WWC2: variants seen among roughly 807,000 people sequenced by gnomAD.
The protein encoded by WWC2 is WW and C2 domain containing 2.
WWC2 carries 101 observed loss-of-function variants against 138.5 expected under a neutral mutation model. The observed-to-expected ratio is 0.73, with a 90% CI of 0.62 to 0.86. The LOEUF is 0.86. Ranked by LOEUF, WWC2 falls within the 40% of genes least tolerant of loss-of-function variation. The probability of loss-of-function intolerance (pLI) is 0.00; values close to 1 mark genes in which losing one functional copy is unlikely to be tolerated. For missense variants in WWC2, 1,420 were observed against 1,419.4 expected, an observed-to-expected ratio of 1.00 and a Z score of -0.01; for synonymous variants, 558 against 538.4, an observed-to-expected ratio of 1.04 and a Z score of -0.50.
chr4:183,181,176 G>A (rs905835776), intron 1 of WWC2, among the ~76,000 whole-genome samples: 9 of 152,088 alleles, frequency 5.9e-5, no homozygotes, highest in African/African-American at 2.2e-4. Context: ...TCAAGTTTTG[G>A]GAGCATCTGC....
At chr4:183,311,798 C>T (rs575229293) in intron 21 of WWC2, among the ~76,000 whole-genome samples, 5 of 151,686 alleles carry the variant, frequency 3.3e-5, no homozygotes, top group East Asian at 3.9e-4. Flanking sequence ...AGGATGGTCT[C>T]GATCTCCTGA....
chr4:183,216,626 G>C (rs755664622), intron 4 of WWC2, among the ~76,000 whole-genome samples: 7 of 152,160 alleles, frequency 4.6e-5, no homozygotes, highest in Admixed American at 6.5e-5. Flanking sequence ...TAACTGAAAG[G>C]AAACAGATGA....
chr4:183,152,492 C>G (rs888949063), intron 1 of WWC2, among the ~76,000 whole-genome samples: 1 of 149,384 alleles, frequency 6.7e-6, no homozygotes, highest in African/African-American at 2.5e-5. Context: ...GTGCAAGACC[C>G]TGCCTCTTAA....
intron 19 of WWC2, 144 bp downstream of exon 19, chr4:183,284,534 G>A (rs1196105658): frequency 1.0e-6 from 1 of 952,528 alleles, no homozygotes; most frequent in African/African-American, 1.6e-5. Context: ...AACAGATGTA[G>A]AATATCACGT....
Position 183,261,453 on chromosome 4 carries a change from A to T in WWC2, c.1830A>T (p.Ser610=). The T allele has an allele frequency of 6.2e-7, 1 of 1,612,560 alleles. No individual in the cohort carries two copies. The highest frequency in any genetic ancestry group is 8.5e-7 in the Non-Finnish European group (1 of 1,179,260). The change falls in exon 11 of 23, where the codon TCA becomes TCT. Residue 610 remains serine (S), a synonymous_variant. Transcript: ENST00000403733. ...IENQILLDSD[S]GGASQSLSED... ...ATCAGATTTTGCTGGATTCTGATTC[A>T]GGAGGAGCCTCCCAGTCTCTTTCAG...
intron 20 of WWC2, among the ~76,000 whole-genome samples, chr4:183,287,704 A>G (rs531492631): frequency 5.9e-5 from 9 of 152,332 alleles, no homozygotes; most frequent in African/African-American, 2.2e-4. Flanking sequence ...AAGATGAGGA[A>G]AAGGTTCATC....
intron 1 of WWC2, among the ~76,000 whole-genome samples, chr4:183,152,055 A>T (rs1305466097): frequency 6.6e-6 from 1 of 152,216 alleles, no homozygotes; most frequent in African/African-American, 2.4e-5. Context: ...GTGGAGAAAC[A>T]TTGCTTGTCT....
At chr4:183,252,855 TG>T (rs1737020462) in intron 8 of WWC2, among the ~76,000 whole-genome samples, 1 of 152,036 alleles carries the variant, frequency 6.6e-6, no homozygotes, top group Non-Finnish European at 1.5e-5. Context: ...TCTTTGGCAA[TG>T]GGGGAGCCTT....
intron 4 of WWC2, among the ~76,000 whole-genome samples, chr4:183,212,738 C>A (rs1735639868): frequency 6.6e-6 from 1 of 152,018 alleles, no homozygotes; most frequent in Non-Finnish European, 1.5e-5. Flanking sequence ...TAAAACTAAC[C>A]ATTTAGAAGG....
In WWC2 at chr4:183,102,525, T is replaced by C. The variant is rs188131594; in HGVS notation, c.131+2903T>C. On this transcript the variant is annotated intron_variant, in intron 1 of 22. Transcript: ENST00000403733. ...AAGTAGCCCTTGTTAAGTGTGGAGC[T>C]AGGATTTAAAGCCAGACAGCTTGAC... 7.8e-4 allele frequency among the ~76,000 whole-genome samples: 119 copies of C among 152,314 alleles called. No individual in the cohort carries two copies. In the Middle Eastern group the frequency reaches 0.017, roughly 22 times the overall value.
At chr4:183,286,317 G>A (rs1442263435) in intron 20 of WWC2, among the ~76,000 whole-genome samples, 4 of 152,126 alleles carry the variant, frequency 2.6e-5, no homozygotes, top group Admixed American at 2.6e-4. Context: ...CTCTGGAGAA[G>A]GGGCCTTCTG....
In WWC2 at chr4:183,188,939, C is replaced by T. The variant is rs141873197; in HGVS notation, c.132-4660C>T. Reference sequence around the variant, plus strand: ...GAGATTACAGGCATGAACCACCGTGCCTGCCCCTCTAATATGACTTCCTTC... The same window carrying T: ...GAGATTACAGGCATGAACCACCGTGTCTGCCCCTCTAATATGACTTCCTTC... On this transcript the variant is annotated intron_variant, in intron 1 of 22. Coordinates refer to ENST00000403733, the MANE Select transcript of WWC2 (RefSeq NM_024949.6). Among the ~76,000 whole-genome samples, 346 of 152,146 alleles carry T rather than the reference C, an allele frequency of 2.3e-3. 1 individual carries two copies. The highest frequency in any genetic ancestry group is 8.1e-3 in the African/African-American group (335 of 41,522).
At chr4:183,241,428 C>T (rs1483949518) in intron 5 of WWC2, among the ~76,000 whole-genome samples, 1 of 152,210 alleles carries the variant, frequency 6.6e-6, no homozygotes, top group Non-Finnish European at 1.5e-5. Context: ...AGGCACTGCT[C>T]TTGACCACCA....
Position 183,261,315 on chromosome 4 carries a change from G to C in WWC2, c.1692G>C (p.Leu564Phe), listed in dbSNP as rs187250385. The change falls in exon 11 of 23, where the codon TTG becomes TTC. Residue 564 changes from leucine (L) to phenylalanine (F), a missense_variant. Coordinates refer to ENST00000403733, the MANE Select transcript of WWC2 (RefSeq NM_024949.6). ...SLSPPGSPLV[L>F]EGTFPMSSSH... ...CTCCTCCAGGCTCTCCCTTGGTTTTGGAAGGCACGTTTCCCATGTCTTCTT... is the reference window on the plus strand; with the variant it reads ...CTCCTCCAGGCTCTCCCTTGGTTTTCGAAGGCACGTTTCCCATGTCTTCTT... 1 of 1,613,416 alleles carries C rather than the reference G, an allele frequency of 6.2e-7. No homozygotes were observed. The highest frequency in any genetic ancestry group is 1.3e-5 in the African/African-American group (1 of 74,904).
intron 1 of WWC2, among the ~76,000 whole-genome samples, chr4:183,140,693 A>T (rs902488958): frequency 5.9e-5 from 9 of 152,234 alleles, no homozygotes; most frequent in African/African-American, 2.2e-4. Flanking sequence ...TTACTGCTAG[A>T]TCAAATTATT....
Position 183,269,103 on chromosome 4 carries a change from A to G in WWC2, c.2340A>G (p.Gln780=), listed in dbSNP as rs771102743. Residue 780 remains glutamine, a synonymous_variant, in exon 15 of 23, where the codon CAA becomes CAG. Transcript: ENST00000403733. The part of the protein sequence containing the change: ...FRVAISQTAL[Q]QKTLRVDLCS... ...TCGCCATTTCCCAAACAGCCTTACA[A>G]CAGAAGACACTGAGGGTAGACCTTT... 2.0e-5 allele frequency: 33 copies of G among 1,613,818 alleles called. No homozygotes were observed. The highest frequency in any genetic ancestry group is 2.7e-5 in the African/African-American group (2 of 74,914).
chr4:183,208,736 C>G (rs946152580), intron 3 of WWC2, among the ~76,000 whole-genome samples: 9 of 152,030 alleles, frequency 5.9e-5, no homozygotes, highest in Non-Finnish European at 2.9e-5. Context: ...GCACCAAGGT[C>G]TTAATGACAT....
chr4:183,282,956 G>A, intron 18 of WWC2, 50 bp downstream of exon 18: 1 of 1,469,828 alleles, frequency 6.8e-7, no homozygotes, highest in South Asian at 1.4e-5. Flanking sequence ...CAGGCACCAT[G>A]TGGACTAGGG....
At chr4:183,152,269 G>A (rs1733654932) in intron 1 of WWC2, among the ~76,000 whole-genome samples, 1 of 152,124 alleles carries the variant, frequency 6.6e-6, no homozygotes, top group African/African-American at 2.4e-5. Context: ...GGAGGCTGAG[G>A]AGGGAGGATG....
Sources: gnomAD v4.1 joint callset for allele counts (sites outside exome capture counted in the v4.1 genomes callset) on GRCh38, gnomAD v4.1.1 for gene constraint, MANE v1.5 for transcripts, NCBI Gene and HGNC (gene_info 2026-07-23, HGNC 2026-07-21) for gene names.